SOX6: variants seen among roughly 807,000 people sequenced by gnomAD.
SOX6 encodes the protein SRY-box transcription factor 6, also known as transcription factor SOX-6.
In SOX6, 11 loss-of-function variants were observed where a neutral mutation model predicts 97.8. The ratio of observed to expected loss-of-function variants is 0.11; its 90% CI spans 0.07 to 0.19. The LOEUF (loss-of-function observed/expected upper bound fraction) is 0.19, where lower values mean the gene tolerates loss of function less well. Ranked by LOEUF, SOX6 falls within the 10% of genes least tolerant of loss-of-function variation. The pLI is 1.00. For missense variants in SOX6, 810 were observed against 1,039.5 expected (o/e 0.78, Z 3.04); for synonymous variants, 360 against 371.4 (o/e 0.97, Z 0.35).
intron 3 of SOX6, among the ~76,000 whole-genome samples, chr11:16,253,845 C>A (rs1853594952): frequency 6.6e-6 from 1 of 151,998 alleles, no homozygotes; most frequent in Non-Finnish European, 1.5e-5. Flanking sequence ...ATGTCAGACA[C>A]CAAACCACAC....
intron 6 of SOX6, among the ~76,000 whole-genome samples, chr11:16,126,141 G>A (rs964313380): frequency 7.9e-5 from 12 of 151,972 alleles, no homozygotes; most frequent in African/African-American, 2.9e-4. Context: ...TAAATTTTTG[G>A]CTTTGGGTAG....
chr11:16,595,357 T>C (rs915642806), intron 4 of SOX6, among the ~76,000 whole-genome samples: 4 of 152,080 alleles, frequency 2.6e-5, no homozygotes, highest in African/African-American at 4.8e-5. Context: ...GCTGCAAAAC[T>C]CAGTAAGTGT....
rs1352742180 is a variant in SOX6, at chr11:16,402,192, G to GCT, written c.-4-60942_-4-60941dup. On this transcript the variant is annotated intron_variant, in intron 1 of 15. Coordinates refer to the SOX6 transcript ENST00000396356. Reference sequence around the variant, plus strand: ...CTCCTCTGTATACAAACCCACAGTAGCTCTTAAATTTGTGACATTTTCTTA... The same window carrying GCT: ...CTCCTCTGTATACAAACCCACAGTAGCTCTCTTAAATTTGTGACATTTTCTTA... Among the ~76,000 whole-genome samples, 8 of 151,456 alleles carry GCT rather than the reference G, an allele frequency of 5.3e-5. No homozygotes were observed. The East Asian group carries it at 1.6e-3, about 29-fold the overall frequency.
intron 3 of SOX6, among the ~76,000 whole-genome samples, chr11:16,702,011 G>C (rs1394267457): frequency 6.6e-6 from 1 of 152,194 alleles, no homozygotes; most frequent in Non-Finnish European, 1.5e-5. Context: ...TGTTCTTTAT[G>C]ATTGAGATAT....
intron 6 of SOX6, 116 bp from the exon 7 acceptor site, chr11:16,112,039 A>C: frequency 3.9e-6 from 5 of 1,279,288 alleles, no homozygotes; most frequent in Non-Finnish European, 5.5e-6. Context: ...CTCTAACCTC[A>C]TTCCAAATCT....
intron 1 of SOX6, among the ~76,000 whole-genome samples, chr11:16,466,888 G>A (rs564447620): frequency 1.7e-5 from 2 of 117,364 alleles, no homozygotes; most frequent in Non-Finnish European, 3.2e-5. Context: ...CCGAGATCCC[G>A]CCACTGCACT....
At chr11:16,119,075 G>A (rs924141520) in intron 6 of SOX6, among the ~76,000 whole-genome samples, 6 of 152,142 alleles carry the variant, frequency 3.9e-5, no homozygotes, top group South Asian at 2.1e-4. Flanking sequence ...ATCAGTTTTC[G>A]AAATGACCAT....
chr11:16,268,192 C>T (rs561092128), intron 3 of SOX6, among the ~76,000 whole-genome samples: 2 of 151,232 alleles, frequency 1.3e-5, no homozygotes, highest in South Asian at 2.1e-4. Flanking sequence ...GAGTAAATCA[C>T]GAATGTTTTT....
intron 4 of SOX6, among the ~76,000 whole-genome samples, chr11:16,589,952 C>G (rs886579459): frequency 6.6e-6 from 1 of 152,062 alleles, no homozygotes. Flanking sequence ...AAGCTACATG[C>G]TATCAGAATA....
chr11:16,656,723 A>C (rs1847721186), intron 3 of SOX6, among the ~76,000 whole-genome samples: 1 of 152,178 alleles, frequency 6.6e-6, no homozygotes, highest in East Asian at 1.9e-4. Flanking sequence ...GTTTTCTGGC[A>C]CTTCTTAAAT....
intron 1 of SOX6, among the ~76,000 whole-genome samples, chr11:16,738,216 G>A (rs1295410860): frequency 6.6e-6 from 1 of 151,966 alleles, no homozygotes; most frequent in East Asian, 1.9e-4. Flanking sequence ...GAGAACACCA[G>A]GGTGGAAATG....
At chr11:16,505,862 T>C (rs1860777561) in intron 4 of SOX6, among the ~76,000 whole-genome samples, 3 of 152,172 alleles carry the variant, frequency 2.0e-5, no homozygotes, top group Non-Finnish European at 4.4e-5. Context: ...CACCAAGGTG[T>C]TAAGCCTGCA....
chr11:16,055,472 G>A (rs1216006112), intron 10 of SOX6, among the ~76,000 whole-genome samples: 2 of 152,022 alleles, frequency 1.3e-5, no homozygotes, highest in Non-Finnish European at 2.9e-5. Flanking sequence ...GGCAATTCAT[G>A]CCAATGATCA....
intron 7 of SOX6, among the ~76,000 whole-genome samples, chr11:16,099,574 G>A (rs1013244067): frequency 3.3e-5 from 5 of 151,508 alleles, no homozygotes; most frequent in African/African-American, 9.7e-5. Context: ...CTCCCTGTAA[G>A]TTTAATACCA....
At chr11:16,682,407 TC>T in intron 3 of SOX6, among the ~76,000 whole-genome samples, 1 of 152,326 alleles carries the variant, frequency 6.6e-6, no homozygotes, top group African/African-American at 2.4e-5. Context: ...GTCAGCTTCA[TC>T]CCTGGGATGC....
Position 16,188,162 on chromosome 11 carries a change from G to T in SOX6, c.536-1207C>A, listed in dbSNP as rs143774966. Among the ~76,000 whole-genome samples, 3 of 147,802 alleles carry T rather than the reference G, an allele frequency of 2.0e-5. No individual in the cohort carries two copies. The East Asian group carries it at 6.0e-4, about 30-fold the overall frequency. On this transcript the variant is annotated intron_variant, in intron 4 of 15. Coordinates refer to ENST00000683767, the MANE Select transcript of SOX6 (RefSeq NM_001367873.1). ...TTAGTATATGATTTCTGAAAGGTAG[G>T]ACTGACATCAACAGAGAAGCTACCA...
chr11:16,376,708 C>T lies in SOX6; in HGVS notation c.-4-35456G>A, dbSNP rs191359569. On this transcript the variant is annotated intron_variant, in intron 1 of 15. Transcript: ENST00000396356. ...GAATTCCTCATGGTCATCACTGAAA[C>T]TCATGACTACATTCTGCAGACCCAG... Among the ~76,000 whole-genome samples the T allele has an allele frequency of 3.0e-3, 450 of 152,220 alleles. 1 individual carries two copies. The highest frequency in any genetic ancestry group is 5.3e-3 in the Non-Finnish European group (363 of 67,994).
At chr11:16,010,539 T>G (rs928741930) in intron 13 of SOX6, among the ~76,000 whole-genome samples, 1 of 152,004 alleles carries the variant, frequency 6.6e-6, no homozygotes, top group African/African-American at 2.4e-5. Flanking sequence ...GAATGTTTTC[T>G]TACTCAAACC....
chr11:16,149,118 A>G (rs956521633), intron 6 of SOX6, among the ~76,000 whole-genome samples: 4 of 152,200 alleles, frequency 2.6e-5, no homozygotes, highest in African/African-American at 9.6e-5. Context: ...CAAGTATACT[A>G]CACAAATGGA....
Sources: gnomAD v4.1 joint callset for allele counts (sites outside exome capture counted in the v4.1 genomes callset) on GRCh38, gnomAD v4.1.1 for gene constraint, MANE v1.5 for transcripts, NCBI Gene and HGNC (gene_info 2026-07-23, HGNC 2026-07-21) for gene names.